Variants in ATM observed in about 807,000 individuals in gnomAD.
ATM encodes the protein ATM serine/threonine kinase.
Under a neutral mutation model 387.0 loss-of-function variants are expected in ATM, and 308 were observed. The ratio of observed to expected loss-of-function variants is 0.80; its 90% CI spans 0.73 to 0.87. The LOEUF is 0.87. Ranked by LOEUF, ATM falls within the 40% of genes least tolerant of loss-of-function variation. ATM has a pLI of 0.00. For synonymous variants in ATM, 1,156 were observed against 1,187.3 expected (o/e 0.97, Z 0.54); for missense variants, 3,312 against 3,560.9 (o/e 0.93, Z 1.78).
At position 108,315,710 on chromosome 11, in the gene ATM, C is replaced by T. The variant is rs574922832; in HGVS notation, c.6007-113C>T. On this transcript the variant is annotated intron_variant, in intron 40 of 62. Transcript: ENST00000675843. Reference sequence around the variant, plus strand: ...GAATCATTACATTTTATTTCTATAACATAACATTTAGAGTTGGGAGTTACA... The same window carrying T: ...GAATCATTACATTTTATTTCTATAATATAACATTTAGAGTTGGGAGTTACA... 3.7e-5 allele frequency: 28 copies of T among 762,494 alleles called. No individual in the cohort carries two copies. The East Asian group carries it at 7.2e-4, about 20-fold the overall frequency. The allele number at this position is 762,494 out of a possible 1,614,324, so 47.2% of individuals were successfully genotyped here.
chr11:108,227,360 A>G (rs2078791440), intron 1 of ATM: 2 of 416,976 alleles, frequency 4.8e-6, no homozygotes, highest in South Asian at 3.2e-5. Context: ...CAAGGCAAAC[A>G]TTTTTGTGTT....
rs2078570859 is a variant in ATM, at chr11:108,223,143, GC to G, written c.-72del. ...GAGAGGAGTCGGGATCTGCGCTGCAGCCACCGCCGCGGTTGATACTACTTTG... is the reference window on the plus strand; with the variant it reads ...GAGAGGAGTCGGGATCTGCGCTGCAGCACCGCCGCGGTTGATACTACTTTG... On this transcript the variant is annotated 5_prime_UTR_variant, in exon 1 of 63. Transcript: ENST00000675843. The G allele has an allele frequency of 1.1e-5, 2 of 177,910 alleles. No homozygotes were observed. Among genetic ancestry groups the G allele is most frequent in the Admixed American group, 1.1e-4 (2 of 18,186 alleles). 11.0% of individuals were successfully genotyped at this position (177,910 alleles called of 1,614,324 possible). A position where few individuals can be genotyped will look rare whatever the true frequency, so the allele number is the denominator to read the frequency against.
rs876659300 is a variant in ATM, at chr11:108,252,813, G to T, written c.1803-4G>T. The stretch of plus-strand genomic sequence containing the variant: ...TAAGTGAAGCTTTTTGTTTTTCTTT[G>T]TAGTAATTTTCCTCATCTTGTACTG... On this transcript the variant is annotated splice_polypyrimidine_tract_variant and splice_region_variant and intron_variant, in intron 11 of 62. Coordinates refer to ENST00000675843, the MANE Select transcript of ATM (RefSeq NM_000051.4). The T allele has an allele frequency of 6.3e-7, 1 of 1,594,860 alleles. No individual in the cohort carries two copies. Among genetic ancestry groups the T allele is most frequent in the Non-Finnish European group, 8.6e-7 (1 of 1,163,546 alleles).
intron 16 of ATM, among the ~76,000 whole-genome samples, chr11:108,261,325 C>G (rs2080871622): frequency 6.6e-6 from 1 of 152,170 alleles, no homozygotes. Flanking sequence ...GGTCCCTGAC[C>G]CTGACCCCCG....
At chr11:108,288,631 A>C (rs1286242925) in intron 27 of ATM, among the ~76,000 whole-genome samples, 2 of 151,636 alleles carry the variant, frequency 1.3e-5, no homozygotes, top group Non-Finnish European at 2.9e-5. Context: ...GTCTTAAAGT[A>C]CTGCTTTTAC....
In ATM at chr11:108,304,761, G is replaced by A. The variant is rs781383087; in HGVS notation, c.5583G>A (p.Leu1861=). 5.9e-5 allele frequency: 95 copies of A among 1,613,866 alleles called. No homozygotes were observed. Among genetic ancestry groups the A allele is most frequent in the Non-Finnish European group, 7.6e-5 (90 of 1,179,982 alleles). ...LQDTNESWRN[L]LSTHVQGFFT... The stretch of plus-strand genomic sequence containing the variant: ...ATACAAATGAATCATGGAGAAATCT[G>A]CTTTCTACACATGTTCAGGGATTTT... The change falls in exon 37 of 63, where the codon CTG becomes CTA. Residue 1861 remains leucine, a synonymous_variant. Coordinates refer to ENST00000675843, the MANE Select transcript of ATM (RefSeq NM_000051.4).
chr11:108,295,223 C>G lies in ATM; in HGVS notation c.4909+164C>G, dbSNP rs1402953423. ...AACTGTAAAACTGGTCCTAACTGGT[C>G]TTCTCACCCTGAACTCTTCCTGTTT... On this transcript the variant is annotated intron_variant, in intron 32 of 62. Coordinates refer to ENST00000675843, the MANE Select transcript of ATM (RefSeq NM_000051.4). 9.7e-6 allele frequency: 8 copies of G among 826,344 alleles called. No individual in the cohort carries two copies. In the African/African-American group the frequency reaches 1.2e-4, roughly 12 times the overall value. 51.2% of individuals were successfully genotyped at this position (826,344 alleles called of 1,614,324 possible).
chr11:108,351,314 G>A (rs1236736995), intron 59 of ATM, among the ~76,000 whole-genome samples: 8 of 152,214 alleles, frequency 5.3e-5, no homozygotes, highest in Admixed American at 6.5e-5. Context: ...TTCTGTTAAC[G>A]TGGATTTGTT....
In ATM at chr11:108,288,984, G is replaced by T. The variant is rs2135750531; in HGVS notation, c.4117G>T (p.Asp1373Tyr). ...TTCCCTTAACTCTGTTAGGGATTTG[G>T]ATCCTGCTCCTAATCCACCTCATTT... ...TDLCDFSGDL[D>Y]PAPNPPHFPS... Residue 1373 changes from aspartate (D) to tyrosine (Y), a missense_variant, in exon 28 of 63, where the codon GAT becomes TAT. Physicochemically the swap from Asp to Tyr is radical, Grantham distance 160. Around this residue, in one of 4 missense-constraint regions of ATM, gnomAD observed 1,791 missense variants for 1,804.5 expected, o/e 0.99. Transcript: ENST00000675843. The T allele has an allele frequency of 6.2e-7, 1 of 1,613,520 alleles. No homozygotes were observed. The highest frequency in any genetic ancestry group is 1.1e-5 in the South Asian group (1 of 91,066).
chr11:108,309,064 G>A (rs1429746058), intron 38 of ATM: 14 of 1,491,614 alleles, frequency 9.4e-6, no homozygotes, highest in Non-Finnish European at 1.3e-5. Context: ...AGATCCTGAA[G>A]AATATTCCTG....
intron 55 of ATM, 108 bp downstream of exon 55, chr11:108,335,217 T>C (rs746348525): frequency 8.2e-6 from 13 of 1,578,128 alleles, no homozygotes; most frequent in Non-Finnish European, 1.1e-5. Flanking sequence ...TTTGAATACT[T>C]ACAAATGAGG....
intron 56 of ATM, chr11:108,336,256 A>G (rs989183758): frequency 2.6e-5 from 9 of 339,746 alleles, no homozygotes; most frequent in East Asian, 2.1e-4. Context: ...AGTGAGCTCA[A>G]ACTCTGCAGT....
Position 108,312,772 on chromosome 11 carries a change from C to T in ATM, c.6006+274C>T, listed in dbSNP as rs1037087777. Among the ~76,000 whole-genome samples the T allele has an allele frequency of 3.3e-5, 5 of 152,288 alleles. No homozygotes were observed. The East Asian group carries it at 9.6e-4, about 29-fold the overall frequency. ...TTATGCCATGCATTTTCTGCCATAG[C>T]ACCCTGTTCATTTCCTTTATAGCAC... On this transcript the variant is annotated intron_variant, in intron 40 of 62. Coordinates refer to ENST00000675843, the MANE Select transcript of ATM (RefSeq NM_000051.4).
chr11:108,292,532 G>A (rs915273440), intron 29 of ATM, 87 bp from the exon 30 acceptor site: 1 of 1,473,956 alleles, frequency 6.8e-7, no homozygotes. Context: ...TAGAGATGCT[G>A]AACAAAAGGA....
chr11:108,304,838 CA>C lies in ATM; in HGVS notation c.5663del (p.Asn1888ThrfsTer29). On this transcript the variant is annotated frameshift_variant, in exon 37 of 63. Coordinates refer to ENST00000675843, the MANE Select transcript of ATM (RefSeq NM_000051.4). LOFTEE classifies it high-confidence loss of function. ...CAAACGAGCCGATCCACAACCCCTG[CA>C]AACTTGGATTCAGGTATTCTATTAA... ...FSQTSRSTTP[A>X]NLDSESEHFF... The C allele has an allele frequency of 6.2e-7, 1 of 1,614,014 alleles. No individual in the cohort carries two copies. Among genetic ancestry groups the C allele is most frequent in the Middle Eastern group, 1.6e-4 (1 of 6,062 alleles).
intron 59 of ATM, among the ~76,000 whole-genome samples, chr11:108,349,731 T>C (rs1236209857): frequency 6.6e-6 from 1 of 152,198 alleles, no homozygotes; most frequent in Non-Finnish European, 1.5e-5. Context: ...AGAAATTTGC[T>C]GCAGGAATGA....
chr11:108,360,177 A>T (rs1164002750), intron 61 of ATM, among the ~76,000 whole-genome samples: 7 of 150,472 alleles, frequency 4.7e-5, no homozygotes, highest in Non-Finnish European at 7.4e-5. Context: ...CCTCTACGCA[A>T]ATAAACTAGA....
At chr11:108,356,274 G>A (rs1436296345) in intron 61 of ATM, among the ~76,000 whole-genome samples, 1 of 152,178 alleles carries the variant, frequency 6.6e-6, no homozygotes, top group Non-Finnish European at 1.5e-5. Context: ...GGTGGCTCAT[G>A]CCTGTAATCC....
At chr11:108,325,249 G>GTTTTTTTTTTTTTTT (rs11366542) in intron 45 of ATM, 61 bp from the exon 46 acceptor site, 4 of 566,214 alleles carry the variant, frequency 7.1e-6, no homozygotes, top group East Asian at 3.4e-5. Flanking sequence ...AACTTACATA[G>GTTTTTTTTTTTTTTT]TTTTTTTTTT....
Sources: allele counts gnomAD v4.1 joint callset (sites outside exome capture counted in the v4.1 genomes callset), GRCh38; gene constraint gnomAD v4.1.1; regional missense constraint gnomAD v4.1.1; transcripts MANE v1.5; gene names NCBI Gene and HGNC (gene_info 2026-07-23, HGNC 2026-07-21).